CD9: variants seen among roughly 807,000 people sequenced by gnomAD.
CD9 encodes the protein CD9 antigen.
In CD9, 10 loss-of-function variants were observed where a neutral mutation model predicts 31.4. The observed-to-expected ratio is 0.32, with a 90% CI of 0.20 to 0.54. The LOEUF is 0.54. CD9 is among the 20% of genes least tolerant of loss of function. The pLI is 0.94. For synonymous variants in CD9, 113 were observed against 114.1 expected (o/e 0.99, Z 0.06); for missense variants, 259 against 300.1 (o/e 0.86, Z 1.01).
intron 1 of CD9, among the ~76,000 whole-genome samples, chr12:6,204,578 G>T (rs564373255): frequency 6.6e-6 from 1 of 152,060 alleles, no homozygotes; most frequent in African/African-American, 2.4e-5. Context: ...TTCATTGCCC[G>T]TATACCTTAG....
At chr12:6,218,893 A>G (rs1442108667) in intron 1 of CD9, among the ~76,000 whole-genome samples, 1 of 152,172 alleles carries the variant, frequency 6.6e-6, no homozygotes, top group African/African-American at 2.4e-5. Flanking sequence ...CCAGGTGACC[A>G]GCTTACCTGT....
chr12:6,211,250 G>C (rs1946191744), intron 1 of CD9, among the ~76,000 whole-genome samples: 1 of 152,196 alleles, frequency 6.6e-6, no homozygotes, highest in Non-Finnish European at 1.5e-5. Flanking sequence ...GCTTAGGGTG[G>C]GGTTGTGGAA....
At chr12:6,236,354 C>T (rs1262436421) in intron 7 of CD9, 79 bp downstream of exon 7, 12 of 1,268,908 alleles carry the variant, frequency 9.5e-6, no homozygotes, top group Middle Eastern at 1.9e-4. Context: ...CAGACACCGC[C>T]GCACTCTGTG....
intron 1 of CD9, among the ~76,000 whole-genome samples, chr12:6,223,418 C>T (rs982759297): frequency 2.6e-5 from 4 of 152,276 alleles, no homozygotes; most frequent in South Asian, 2.1e-4. Context: ...CCCGCCACCA[C>T]GCCTGGAGAA....
chr12:6,225,434 G>T lies in CD9; in HGVS notation c.75G>T (p.Gly25=), dbSNP rs993342003. ...FGFNFIFWLA[G]IAVLAIGLWL... ...TCCTGTATGTCTTGCAGCTTGCCGG[G>T]ATTGCTGTCCTTGCCATTGGACTAT... Residue 25 remains glycine (G), a synonymous_variant, in exon 2 of 8, where the codon GGG becomes GGT. Transcript: ENST00000009180. 16 of 1,612,014 alleles carry T rather than the reference G, an allele frequency of 9.9e-6. No homozygotes were observed. The African/African-American group carries it at 2.0e-4, about 20-fold the overall frequency.
At chr12:6,212,658 A>G (rs1946204705) in intron 1 of CD9, among the ~76,000 whole-genome samples, 2 of 152,344 alleles carry the variant, frequency 1.3e-5, no homozygotes, top group South Asian at 4.1e-4. Flanking sequence ...AGCTCAAGGA[A>G]TCCAGGGAAA....
chr12:6,225,681 G>C, intron 2 of CD9, 147 bp downstream of exon 2: 1 of 600,222 alleles, frequency 1.7e-6, no homozygotes, highest in Non-Finnish European at 3.0e-6. Context: ...CTTTCAAGTT[G>C]TGCAGTTTTT....
At chr12:6,202,220 C>G (rs1010521747) in intron 1 of CD9, among the ~76,000 whole-genome samples, 9 of 152,250 alleles carry the variant, frequency 5.9e-5, no homozygotes, top group Admixed American at 5.2e-4. Flanking sequence ...TAACACACAC[C>G]CCAGTGAGGA....
intron 1 of CD9, among the ~76,000 whole-genome samples, chr12:6,204,989 T>A (rs909091451): frequency 6.6e-6 from 1 of 152,196 alleles, no homozygotes; most frequent in Admixed American, 6.5e-5. Context: ...AAAATAAAAT[T>A]GCCTGTCAGA....
chr12:6,205,225 G>T (rs115392137), intron 1 of CD9, among the ~76,000 whole-genome samples: 79 of 152,360 alleles, frequency 5.2e-4, no homozygotes, highest in African/African-American at 1.9e-3. Context: ...CTGAGGCCAG[G>T]TATCTGCTTC....
At chr12:6,229,962 C>T (rs969801494) in intron 2 of CD9, among the ~76,000 whole-genome samples, 2 of 152,084 alleles carry the variant, frequency 1.3e-5, no homozygotes, top group African/African-American at 4.8e-5. Context: ...AGCTAACATT[C>T]GCTTGTTTTA....
chr12:6,222,904 C>A (rs759915560), intron 1 of CD9, among the ~76,000 whole-genome samples: 7 of 152,134 alleles, frequency 4.6e-5, no homozygotes, highest in Non-Finnish European at 7.3e-5. Context: ...TTCTTTTCTG[C>A]GACTCAGTTT....
upstream of CD9, chr12:6,200,170 G>C (rs1243044433): frequency 6.5e-6 from 1 of 154,370 alleles, no homozygotes; most frequent in Admixed American, 6.6e-5. Flanking sequence ...AGGGCGACTA[G>C]GCGGGGAAAC....
chr12:6,212,793 G>T (rs1266898719), intron 1 of CD9, among the ~76,000 whole-genome samples: 1 of 152,182 alleles, frequency 6.6e-6, no homozygotes, highest in South Asian at 2.1e-4. Context: ...GAAGGCAGAA[G>T]TTGGCCTCCC....
chr12:6,204,249 T>C (rs1409500406), intron 1 of CD9, among the ~76,000 whole-genome samples: 1 of 152,122 alleles, frequency 6.6e-6, no homozygotes, highest in Non-Finnish European at 1.5e-5. Flanking sequence ...CATACAACAA[T>C]AGAACTCTCC....
At position 6,235,547 on chromosome 12, in the gene CD9, C is replaced by T. The variant is rs371885653; in HGVS notation, c.519C>T (p.Leu173=). ...ACATCTGCCCCAAGAAGGACGTACT[C>T]GAAACCTTCACCGTGAAGGTAAACT... The part of the protein sequence containing the change: ...ISDICPKKDV[L]ETFTVKSCPD... Residue 173 remains leucine, a synonymous_variant, in exon 6 of 8, where the codon CTC becomes CTT. Coordinates refer to ENST00000009180, the MANE Select transcript of CD9 (RefSeq NM_001769.4). The T allele has an allele frequency of 2.5e-4, 403 of 1,612,966 alleles. 7 individuals carry two copies. In the South Asian group the frequency reaches 4.2e-3, roughly 17 times the overall value.
intron 1 of CD9, chr12:6,200,861 G>T: frequency 3.0e-6 from 1 of 335,676 alleles, no homozygotes. Flanking sequence ...AGCTCGCCTA[G>T]GATTTGAGCT....
At chr12:6,225,286 A>G in intron 1 of CD9, 140 bp from the exon 2 acceptor site, 1 of 643,210 alleles carries the variant, frequency 1.6e-6, no homozygotes, top group Non-Finnish European at 2.8e-6. Flanking sequence ...CCGTAATGGC[A>G]TCTACAACTA....
intron 1 of CD9, among the ~76,000 whole-genome samples, chr12:6,205,649 G>C (rs1946122486): frequency 6.6e-6 from 1 of 152,208 alleles, no homozygotes; most frequent in Non-Finnish European, 1.5e-5. Context: ...TTCCTGTTCT[G>C]TTCAATTTTA....
Sources: allele counts gnomAD v4.1 joint callset (sites outside exome capture counted in the v4.1 genomes callset), GRCh38; gene constraint gnomAD v4.1.1; transcripts MANE v1.5; gene names NCBI Gene and HGNC (gene_info 2026-07-23, HGNC 2026-07-21).